SLC48A1: variants seen among roughly 807,000 people sequenced by gnomAD.
The protein encoded by SLC48A1 is heme transporter HRG1.
A neutral mutation model predicts 14.8 loss-of-function variants in SLC48A1; 6 were observed. The observed-to-expected ratio is 0.41, with a 90% CI of 0.22 to 0.80. SLC48A1 has a LOEUF of 0.80. Among genes scored for constraint, SLC48A1 ranks in the 30% least tolerant of loss-of-function variants. The probability of loss-of-function intolerance (pLI) is 0.34; values close to 1 mark genes in which losing one functional copy is unlikely to be tolerated. For missense variants in SLC48A1, 165 were observed against 204.8 expected, an observed-to-expected ratio of 0.81 and a Z score of 1.19; for synonymous variants, 89 against 90.0, an observed-to-expected ratio of 0.99 and a Z score of 0.06.
chr12:47,771,039 G>T (rs993424127), upstream of SLC48A1: 6 of 416,664 alleles, frequency 1.4e-5, no homozygotes, highest in Admixed American at 2.6e-5. Flanking sequence ...GCTCCTAAAG[G>T]AGGGCTGCTG....
At chr12:47,772,354 G>A (rs2136860377), upstream of SLC48A1, 1 of 154,830 alleles carries the variant, frequency 6.5e-6, no homozygotes, top group South Asian at 2.0e-4. Context: ...AGGGGTTTGG[G>A]AGGATAAGGC....
At position 47,758,607 on chromosome 12, in the gene SLC48A1, G is replaced by T. The variant is rs746761008; in HGVS notation, c.-426G>T. 3 of 1,611,080 alleles carry T rather than the reference G, an allele frequency of 1.9e-6. No homozygotes were observed. In the South Asian group the frequency reaches 3.3e-5, roughly 18 times the overall value. On this transcript the variant is annotated 5_prime_UTR_variant, in exon 1 of 5. Transcript: ENST00000547002. ...TGCAGGCTCTAGCAAAAGGCTGGGGGGTCCCCAGCGACCCCCATCAGCTTT... is the reference window on the plus strand; with the variant it reads ...TGCAGGCTCTAGCAAAAGGCTGGGGTGTCCCCAGCGACCCCCATCAGCTTT...
intron 1 of SLC48A1, among the ~76,000 whole-genome samples, chr12:47,775,046 G>C (rs539704264): frequency 8.5e-5 from 13 of 152,274 alleles, no homozygotes; most frequent in African/African-American, 3.1e-4. Flanking sequence ...GTTGAGTCTG[G>C]CCTGGTACAA....
At chr12:47,754,356 T>A (rs1941930091), upstream of SLC48A1, among the ~76,000 whole-genome samples, 1 of 152,258 alleles carries the variant, frequency 6.6e-6, no homozygotes. Flanking sequence ...ACAGGTTTGT[T>A]ATTCTACCCT....
At chr12:47,760,097 A>C in intron 1 of SLC48A1, 1 of 453,808 alleles carries the variant, frequency 2.2e-6, no homozygotes, top group Non-Finnish European at 2.9e-6. Flanking sequence ...TTTTTAATGT[A>C]TACATGTATA....
At chr12:47,773,472 G>GTGCGCGGC (rs1322962095) in intron 1 of SLC48A1, 32 bp downstream of exon 1, 14 of 1,301,114 alleles carry the variant, frequency 1.1e-5, no homozygotes, top group Admixed American at 4.1e-5. Context: ...CGCGGGGCGG[G>GTGCGCGGC]TGCGCGGCTG....
At chr12:47,779,983 A>G (rs1942831824) in intron 2 of SLC48A1, among the ~76,000 whole-genome samples, 162 bp from the exon 3 acceptor site, 1 of 152,232 alleles carries the variant, frequency 6.6e-6, no homozygotes, top group Non-Finnish European at 1.5e-5. Context: ...GTTGGGGACC[A>G]TGGCTCTAAA....
At chr12:47,756,837 C>T (rs1267045413), upstream of SLC48A1, among the ~76,000 whole-genome samples, 11 of 151,900 alleles carry the variant, frequency 7.2e-5, no homozygotes, top group South Asian at 2.1e-4. Flanking sequence ...GGCGTGGTGG[C>T]GCACACCTGT....
chr12:47,767,680 C>T (rs146840691), upstream of SLC48A1, among the ~76,000 whole-genome samples: 146 of 152,200 alleles, frequency 9.6e-4, no homozygotes, highest in African/African-American at 2.3e-3. Context: ...TAAAACAGAG[C>T]GAGGAATCCT....
At chr12:47,758,827 T>C in intron 1 of SLC48A1, 1 of 1,217,092 alleles carries the variant, frequency 8.2e-7, no homozygotes, top group Non-Finnish European at 1.0e-6. Context: ...AGCCTGCGCC[T>C]TCGTCTCAGA....
chr12:47,762,531 T>C (rs1565775959), intron 2 of SLC48A1, among the ~76,000 whole-genome samples: 1 of 152,246 alleles, frequency 6.6e-6, no homozygotes, highest in East Asian at 1.9e-4. Flanking sequence ...CTCTCTGTTA[T>C]GCCCCATCCC....
At position 47,777,216 on chromosome 12, in the gene SLC48A1, G is replaced by T. The variant is rs930345652; in HGVS notation, c.137-1812G>T. 2.0e-5 allele frequency among the ~76,000 whole-genome samples: 3 copies of T among 152,194 alleles called. No homozygotes were observed. Among genetic ancestry groups the T allele is most frequent in the Non-Finnish European group, 4.4e-5 (3 of 68,022 alleles). ...CAGGATGATTGTCCTGTCCACCTCT[G>T]GCCCACTCCAGCATCCAGACTAGGT... On this transcript the variant is annotated intron_variant, in intron 1 of 2. Coordinates refer to ENST00000442218, the MANE Select transcript of SLC48A1 (RefSeq NM_017842.3). The surrounding 1 kb of genome is among the most constrained non-coding windows in gnomAD (Gnocchi z 4.5).
At chr12:47,767,810 G>T (rs551826933), upstream of SLC48A1, among the ~76,000 whole-genome samples, 1 of 152,192 alleles carries the variant, frequency 6.6e-6, no homozygotes, top group African/African-American at 2.4e-5. Flanking sequence ...AGTGTGGCAC[G>T]TTTGAGAAAC....
chr12:47,774,903 C>G (rs1465682171), intron 1 of SLC48A1, among the ~76,000 whole-genome samples: 1 of 152,244 alleles, frequency 6.6e-6, no homozygotes, highest in Admixed American at 6.5e-5. Flanking sequence ...CTCCCTGCCA[C>G]TTTTTTGTTT....
exon 1 of SLC48A1, chr12:47,758,620 C>T (rs1294814696): frequency 1.2e-6 from 2 of 1,608,572 alleles, no homozygotes; most frequent in East Asian, 4.5e-5. Flanking sequence ...CCCCAGCGAC[C>T]CCCATCAGCT....
chr12:47,774,749 G>A (rs1942704657), intron 1 of SLC48A1, among the ~76,000 whole-genome samples: 1 of 152,094 alleles, frequency 6.6e-6, no homozygotes, highest in African/African-American at 2.4e-5. Context: ...GGGCACCCTG[G>A]CTAGGGTGTT....
intron 1 of SLC48A1, among the ~76,000 whole-genome samples, chr12:47,774,115 C>G (rs1435608707): frequency 6.6e-6 from 1 of 152,216 alleles, no homozygotes; most frequent in South Asian, 2.1e-4. Context: ...TCTGCCAAAT[C>G]CTGCAGGCCA....
chr12:47,781,168 C>G lies in SLC48A1; in HGVS notation c.*887C>G. 1 of 317,708 alleles carries G rather than the reference C, an allele frequency of 3.1e-6. No individual in the cohort carries two copies. The highest frequency in any genetic ancestry group is 2.4e-5 in the South Asian group (1 of 41,384). 19.7% of individuals were successfully genotyped at this position (317,708 alleles called of 1,614,324 possible). On this transcript the variant is annotated 3_prime_UTR_variant, in exon 3 of 3. Coordinates refer to ENST00000442218, the MANE Select transcript of SLC48A1 (RefSeq NM_017842.3). ...GCCGTGGCCCCCCACCCATCTCACT[C>G]ACACACACAGGCATCCATACACCCC...
In SLC48A1 at chr12:47,780,419, T is replaced by A. The variant is rs763637243; in HGVS notation, c.*138T>A. 23 of 1,366,026 alleles carry A rather than the reference T, an allele frequency of 1.7e-5. No homozygotes were observed. In the South Asian group the frequency reaches 2.7e-4, roughly 16 times the overall value. 84.6% of individuals were successfully genotyped at this position (1,366,026 alleles called of 1,614,324 possible). A position where few individuals can be genotyped will look rare whatever the true frequency, so the allele number is the denominator to read the frequency against. Reference sequence around the variant, plus strand: ...AATACACAGCAGGACGAGTGTGGTCTCCCAGGAAGCTGTCCTGCCCGTCCC... The same window carrying A: ...AATACACAGCAGGACGAGTGTGGTCACCCAGGAAGCTGTCCTGCCCGTCCC... On this transcript the variant is annotated 3_prime_UTR_variant, in exon 3 of 3. Transcript: ENST00000442218.
Sources: allele counts gnomAD v4.1 joint callset (sites outside exome capture counted in the v4.1 genomes callset), GRCh38; gene constraint gnomAD v4.1.1; non-coding constraint Gnocchi (gnomAD v3.1); transcripts MANE v1.5; gene names NCBI Gene and HGNC (gene_info 2026-07-23, HGNC 2026-07-21).